The following ULK2 variants were observed in gnomAD, a reference collection of about 807,000 sequenced individuals.
ULK2 encodes the protein unc-51 like autophagy activating kinase 2.
In ULK2, 76 loss-of-function variants were observed where a neutral mutation model predicts 127.5. That is an observed-to-expected ratio of 0.60 (90% confidence interval 0.50 to 0.72). ULK2 has a LOEUF of 0.72. Among genes scored for constraint, ULK2 ranks in the 30% least tolerant of loss-of-function variants. The probability of loss-of-function intolerance (pLI) is 0.00; values close to 1 mark genes in which losing one functional copy is unlikely to be tolerated. For synonymous variants in ULK2, 452 were observed against 461.9 expected (o/e 0.98, Z 0.28); for missense variants, 1,144 against 1,295.9 (o/e 0.88, Z 1.80).
At chr17:19,854,623 T>C (rs1204373801) in intron 3 of ULK2, among the ~76,000 whole-genome samples, 1 of 152,132 alleles carries the variant, frequency 6.6e-6, no homozygotes, top group Non-Finnish European at 1.5e-5. Flanking sequence ...ACATTATCCC[T>C]TTGTACATAA....
intron 21 of ULK2, among the ~76,000 whole-genome samples, 193 bp downstream of exon 21, chr17:19,785,744 T>C (rs558783261): frequency 6.4e-4 from 98 of 152,114 alleles, no homozygotes; most frequent in South Asian, 1.2e-3. Context: ...AAAGTTTTTT[T>C]CCCCACAAAT....
Position 19,774,024 on chromosome 17 carries a change from A to G in ULK2, c.*2325T>C, listed in dbSNP as rs961832274. The G allele has an allele frequency of 7.0e-5, 2 of 28,640 alleles. No individual in the cohort carries two copies. The highest frequency in any genetic ancestry group is 1.3e-4 in the African/African-American group (2 of 15,450). 1.8% of individuals were successfully genotyped at this position (28,640 alleles called of 1,614,324 possible). A position where few individuals can be genotyped will look rare whatever the true frequency, so the allele number is the denominator to read the frequency against. On this transcript the variant is annotated 3_prime_UTR_variant, in exon 27 of 27. Coordinates refer to ENST00000395544, the MANE Select transcript of ULK2 (RefSeq NM_014683.4). The stretch of plus-strand genomic sequence containing the variant: ...GTCCAGTGGAGGGTATAGTTAAAGC[A>G]AACCCTTAGAGCAGGAATAGCTGGT...
At chr17:19,828,283 G>A (rs1412867799) in intron 10 of ULK2, among the ~76,000 whole-genome samples, 3 of 152,208 alleles carry the variant, frequency 2.0e-5, no homozygotes, top group East Asian at 1.9e-4. Flanking sequence ...AGGTTGAAAT[G>A]AAAAGAGCTA....
rs1043925693 is a variant in ULK2 at position 19,824,153 on chromosome 17, C to T, written c.924+941G>A. Among the ~76,000 whole-genome samples the T allele has an allele frequency of 4.8e-4, 73 of 152,136 alleles. 2 individuals are homozygous for T. The highest frequency in any genetic ancestry group is 4.6e-3 in the Admixed American group (70 of 15,266). On this transcript the variant is annotated intron_variant, in intron 12 of 26. Coordinates refer to ENST00000395544, the MANE Select transcript of ULK2 (RefSeq NM_014683.4). ...TATGGCTCCCCTATCTTTCTGCCAG[C>T]GGCATTCAAGAAATTGATGTCTGGG... is the stretch of plus-strand genomic sequence containing the variant.
At chr17:19,781,838 G>C (rs1567672535) in intron 23 of ULK2, 51 bp downstream of exon 23, 1 of 1,585,768 alleles carries the variant, frequency 6.3e-7, no homozygotes, top group Admixed American at 1.7e-5. Context: ...TTAGACACAA[G>C]TTTAGACAAA....
chr17:19,852,561 C>T (rs1438561745), intron 3 of ULK2, among the ~76,000 whole-genome samples: 1 of 150,080 alleles, frequency 6.7e-6, no homozygotes, highest in Non-Finnish European at 1.5e-5. Context: ...ACTTCATATA[C>T]TGCTAGGCTA....
chr17:19,821,912 C>G (rs1170467194), intron 12 of ULK2, among the ~76,000 whole-genome samples: 1 of 151,768 alleles, frequency 6.6e-6, no homozygotes, highest in Non-Finnish European at 1.5e-5. Flanking sequence ...TCTCAAACTC[C>G]TGGGCTCAAG....
At chr17:19,834,012 C>A (rs1463383934) in intron 10 of ULK2, among the ~76,000 whole-genome samples, 1 of 152,092 alleles carries the variant, frequency 6.6e-6, no homozygotes, top group Non-Finnish European at 1.5e-5. Context: ...CTAGACACAT[C>A]ACAGTTAAAA....
At chr17:19,818,680 C>CT (rs2041055735) in intron 12 of ULK2, among the ~76,000 whole-genome samples, 1 of 152,032 alleles carries the variant, frequency 6.6e-6, no homozygotes. Flanking sequence ...CATTTTCATC[C>CT]TCTCCTTTTG....
At chr17:19,833,730 A>G (rs1210111417) in intron 10 of ULK2, among the ~76,000 whole-genome samples, 3 of 152,222 alleles carry the variant, frequency 2.0e-5, no homozygotes, top group African/African-American at 7.2e-5. Context: ...AACAATCAGC[A>G]AGGCTGAGAA....
intron 3 of ULK2, among the ~76,000 whole-genome samples, chr17:19,863,087 G>A (rs1387668865): frequency 1.3e-5 from 2 of 152,040 alleles, no homozygotes; most frequent in South Asian, 2.1e-4. Flanking sequence ...GGTGGCAGGC[G>A]CCTATAATCC....
intron 12 of ULK2, among the ~76,000 whole-genome samples, chr17:19,821,690 C>T (rs967007455): frequency 2.6e-5 from 4 of 152,020 alleles, no homozygotes; most frequent in African/African-American, 9.7e-5. Context: ...CCTTTTTTCC[C>T]CTGCTTTCCA....
At chr17:19,802,032 A>G in intron 15 of ULK2, 110 bp from the exon 16 acceptor site, 1 of 1,215,834 alleles carries the variant, frequency 8.2e-7, no homozygotes, top group South Asian at 1.7e-5. Flanking sequence ...AAAAATATGT[A>G]ATACAGTCAC....
chr17:19,846,636 T>G, intron 6 of ULK2, 101 bp downstream of exon 6: 1 of 1,285,116 alleles, frequency 7.8e-7, no homozygotes, highest in Non-Finnish European at 1.1e-6. Context: ...CGAGACTCCA[T>G]CTCAAAAAAA....
At chr17:19,846,134 A>C (rs1397172374) in intron 6 of ULK2, among the ~76,000 whole-genome samples, 1 of 152,004 alleles carries the variant, frequency 6.6e-6, no homozygotes, top group African/African-American at 2.4e-5. Flanking sequence ...TCAGACAAAC[A>C]AACAAAAAAA....
intron 3 of ULK2, among the ~76,000 whole-genome samples, chr17:19,855,099 C>CAAA (rs59428848): frequency 9.9e-6 from 1 of 100,570 alleles, no homozygotes; most frequent in Non-Finnish European, 2.1e-5. Context: ...GATTCCATCT[C>CAAA]AAAAAAAAAA....
At position 19,829,553 on chromosome 17, in the gene ULK2, G is replaced by GGGGGC; in HGVS notation, c.788-3372_788-3368dup. ...CCCTGTCAAGGAAAAAAAAAAGGGGGGGGGCTGGGCACGGTAGCTCACGCC... is the reference window on the plus strand; with the variant it reads ...CCCTGTCAAGGAAAAAAAAAAGGGGGGGGGCGGGGCTGGGCACGGTAGCTCACGCC... On this transcript the variant is annotated intron_variant, in intron 10 of 26. Coordinates refer to ENST00000395544, the MANE Select transcript of ULK2 (RefSeq NM_014683.4). 1.3e-4 allele frequency among the ~76,000 whole-genome samples: 18 copies of GGGGGC among 141,170 alleles called. 1 individual carries two copies. Among genetic ancestry groups the GGGGGC allele is most frequent in the Non-Finnish European group, 2.5e-4 (16 of 63,860 alleles). 92.6% of individuals were successfully genotyped at this position (141,170 alleles called of 152,430 possible). A position where few individuals can be genotyped will look rare whatever the true frequency, so the allele number is the denominator to read the frequency against.
intron 20 of ULK2, among the ~76,000 whole-genome samples, chr17:19,786,529 C>T (rs1240722365): frequency 1.3e-5 from 2 of 151,976 alleles, no homozygotes; most frequent in Admixed American, 1.3e-4. Flanking sequence ...GCCTGGCCAA[C>T]GTGGTGAAAC....
intron 13 of ULK2, among the ~76,000 whole-genome samples, chr17:19,812,855 G>A (rs904520161): frequency 6.6e-6 from 1 of 152,164 alleles, no homozygotes; most frequent in East Asian, 1.9e-4. Flanking sequence ...AAAAGAAGCA[G>A]TTAGAATTTT....
Sources: allele counts gnomAD v4.1 joint callset (sites outside exome capture counted in the v4.1 genomes callset), GRCh38; gene constraint gnomAD v4.1.1; transcripts MANE v1.5; gene names NCBI Gene and HGNC (gene_info 2026-07-23, HGNC 2026-07-21).